The following CDH11 variants were observed in gnomAD, a reference collection of about 807,000 sequenced individuals.
CDH11 encodes the protein cadherin-11.
Under a neutral mutation model 67.8 loss-of-function variants are expected in CDH11, and 11 were observed. The observed-to-expected ratio is 0.16, with a 90% CI of 0.10 to 0.27. The LOEUF is 0.27. CDH11 is among the 10% of genes least tolerant of loss of function. The pLI is 1.00. For synonymous variants in CDH11, 419 were observed against 400.0 expected, an observed-to-expected ratio of 1.05 and a Z score of -0.57; for missense variants, 847 against 1,031.2, an observed-to-expected ratio of 0.82 and a Z score of 2.45.
intron 7 of CDH11, among the ~76,000 whole-genome samples, chr16:64,983,457 C>T (rs1012315402): frequency 2.0e-5 from 3 of 152,108 alleles, no homozygotes; most frequent in Non-Finnish European, 2.9e-5. Flanking sequence ...TCTTTTAAGG[C>T]GAGCATCTGC....
In CDH11 at chr16:64,972,072, G is replaced by A; in HGVS notation, c.1391-8C>T. On this transcript the variant is annotated splice_polypyrimidine_tract_variant and splice_region_variant and intron_variant, in intron 9 of 12. Transcript: ENST00000268603. ...CTTCCTGATGCCGATTGTCTGGGAA[G>A]ACAGAATGCAGACAGTCAAGAAAGG... 1 of 1,613,060 alleles carries A rather than the reference G, an allele frequency of 6.2e-7. No individual in the cohort carries two copies. Among genetic ancestry groups the A allele is most frequent in the South Asian group, 1.1e-5 (1 of 91,034 alleles).
chr16:64,999,042 T>C (rs890023196), intron 3 of CDH11, among the ~76,000 whole-genome samples, 186 bp from the exon 4 acceptor site: 46 of 152,168 alleles, frequency 3.0e-4, no homozygotes, highest in African/African-American at 1.1e-3. Flanking sequence ...AAGGTCACAC[T>C]GCAGAACAGT....
At chr16:65,115,207 G>A (rs979821051) in intron 1 of CDH11, among the ~76,000 whole-genome samples, 1 of 152,092 alleles carries the variant, frequency 6.6e-6, no homozygotes, top group Non-Finnish European at 1.5e-5. Context: ...TGCAAAGGTA[G>A]GAAGGAGGCA....
Position 65,121,940 on chromosome 16 carries a change from C to A in CDH11, c.-358G>T. ...GCCAGTCCCTGGCGCAGGGCAAGCG[C>A]TGCGGTGTCAGTCCCGGCCCCAGTC... On this transcript the variant is annotated 5_prime_UTR_variant, in exon 1 of 13. Coordinates refer to ENST00000268603, the MANE Select transcript of CDH11 (RefSeq NM_001797.4). This position sits in a 1 kb window ranked among gnomAD's most constrained non-coding sequence, Gnocchi z 4.1. 1.4e-6 allele frequency: 1 copy of A among 701,888 alleles called. No homozygotes were observed. The highest frequency in any genetic ancestry group is 2.6e-6 in the Non-Finnish European group (1 of 384,606). 43.5% of individuals were successfully genotyped at this position (701,888 alleles called of 1,614,324 possible).
At chr16:65,071,378 A>C (rs1597157849) in intron 1 of CDH11, among the ~76,000 whole-genome samples, 1 of 152,300 alleles carries the variant, frequency 6.6e-6, no homozygotes, top group East Asian at 1.9e-4. Flanking sequence ...ATATATGCAC[A>C]TACACCCCCA....
intron 11 of CDH11, chr16:64,968,663 T>G (rs1175487648): frequency 1.9e-6 from 1 of 534,248 alleles, no homozygotes; most frequent in Non-Finnish European, 2.4e-6. Flanking sequence ...TGAATGCTTA[T>G]GCCGGAGTTT....
chr16:65,110,254 A>G (rs548201967), intron 1 of CDH11, among the ~76,000 whole-genome samples: 189 of 152,292 alleles, frequency 1.2e-3, no homozygotes, highest in Admixed American at 2.0e-3. Flanking sequence ...TTTGAGAAGA[A>G]CTCAAAAGCC....
intron 7 of CDH11, chr16:64,985,201 T>A (rs1316818755): frequency 6.6e-6 from 1 of 152,174 alleles, no homozygotes; most frequent in Non-Finnish European, 1.5e-5. Context: ...GTAGTTTCTC[T>A]CTTTCCTGTG....
chr16:64,997,052 A>G lies in CDH11; in HGVS notation c.523+1510T>C, dbSNP rs145467215. 2.2e-3 allele frequency among the ~76,000 whole-genome samples: 341 copies of G among 152,026 alleles called. 3 individuals are homozygous for G. The highest frequency in any genetic ancestry group is 7.5e-3 in the African/African-American group (313 of 41,478). On this transcript the variant is annotated intron_variant, in intron 4 of 12. Transcript: ENST00000268603. ...GGTGGCTCACGTCTGTAATCTCAGC[A>G]CTTTGGGAGGCTGAGGTGGGTGGAT...
chr16:65,013,123 G>A (rs76521956), intron 2 of CDH11, among the ~76,000 whole-genome samples: 13 of 152,256 alleles, frequency 8.5e-5, no homozygotes, highest in African/African-American at 2.4e-4. Flanking sequence ...TTGCCTAGAC[G>A]GATGTTTTCA....
chr16:65,023,411 T>C (rs1294349846), intron 2 of CDH11, among the ~76,000 whole-genome samples: 2 of 152,176 alleles, frequency 1.3e-5, no homozygotes, highest in Non-Finnish European at 2.9e-5. Context: ...CCAGAAAAGA[T>C]GTCACAGGGT....
intron 1 of CDH11, among the ~76,000 whole-genome samples, chr16:65,077,335 G>A (rs1026180233): frequency 6.6e-6 from 1 of 152,206 alleles, no homozygotes; most frequent in African/African-American, 2.4e-5. Flanking sequence ...AGTGCTCTGA[G>A]CCTGGCATGA....
At chr16:64,997,653 A>C (rs1241140071) in intron 4 of CDH11, among the ~76,000 whole-genome samples, 1 of 152,178 alleles carries the variant, frequency 6.6e-6, no homozygotes, top group Non-Finnish European at 1.5e-5. Context: ...GAAATGGTTC[A>C]GGCTGGCTTT....
intron 1 of CDH11, among the ~76,000 whole-genome samples, chr16:65,059,906 A>T (rs1474664651): frequency 6.6e-6 from 1 of 152,226 alleles, no homozygotes; most frequent in Non-Finnish European, 1.5e-5. Context: ...CATCTAGCAT[A>T]TGAGCAAACC....
chr16:65,112,021 G>T, intron 1 of CDH11, among the ~76,000 whole-genome samples: 1 of 140,932 alleles, frequency 7.1e-6, no homozygotes, highest in African/African-American at 2.7e-5. Flanking sequence ...AATGAGCCAA[G>T]ATTGCGCCAC....
intron 1 of CDH11, among the ~76,000 whole-genome samples, chr16:65,098,200 G>A (rs570390948): frequency 1.3e-5 from 2 of 152,144 alleles, no homozygotes; most frequent in East Asian, 1.9e-4. Context: ...GTAATGAGAG[G>A]TTCAATATTT....
intron 1 of CDH11, among the ~76,000 whole-genome samples, chr16:65,093,413 C>T (rs2074828609): frequency 6.6e-6 from 1 of 151,848 alleles, no homozygotes; most frequent in Non-Finnish European, 1.5e-5. Context: ...GACAGAAGTG[C>T]CCAGAACTCA....
chr16:65,089,619 G>T (rs1374648293), intron 1 of CDH11, among the ~76,000 whole-genome samples: 1 of 152,028 alleles, frequency 6.6e-6, no homozygotes, highest in African/African-American at 2.4e-5. Context: ...GTAACAAATA[G>T]CATTCCAGTT....
rs556733053 is a variant in CDH11 at position 64,950,758 on chromosome 16, C to T, written c.1894+9G>A. ...GCCCTTCCTGCAGGGGACCAGGAAG[C>T]GCCCTTACCCAGGAGAATGACGATG... is the stretch of plus-strand genomic sequence containing the variant. On this transcript the variant is annotated intron_variant, in intron 12 of 12. Transcript: ENST00000268603. 3.1e-6 allele frequency: 5 copies of T among 1,610,860 alleles called. No homozygotes were observed. The highest frequency in any genetic ancestry group is 1.3e-5 in the African/African-American group (1 of 74,866).
Sources: gnomAD v4.1 joint callset for allele counts (sites outside exome capture counted in the v4.1 genomes callset) on GRCh38, gnomAD v4.1.1 for gene constraint, Gnocchi (gnomAD v3.1) non-coding constraint, MANE v1.5 for transcripts, NCBI Gene and HGNC (gene_info 2026-07-23, HGNC 2026-07-21) for gene names.